Variants in C8orf34 observed in about 807,000 individuals in gnomAD.
The protein encoded by C8orf34 is chromosome 8 open reading frame 34, also known as uncharacterized protein C8orf34.
In C8orf34, 65 loss-of-function variants were observed where a neutral mutation model predicts 68.3. That is an observed-to-expected ratio of 0.95 (90% CI 0.78 to 1.17). The LOEUF (loss-of-function observed/expected upper bound fraction) is 1.17. Ranked by LOEUF, C8orf34 falls within the 50% of genes most tolerant of loss-of-function variation. C8orf34 has a pLI of 0.00. For synonymous variants in C8orf34, 244 were observed against 241.2 expected, an observed-to-expected ratio of 1.01 and a Z score of -0.11; for missense variants, 664 against 655.4, an observed-to-expected ratio of 1.01 and a Z score of -0.14.
chr8:68,793,236 AGTT>A (rs1824066152), intron 12 of C8orf34, among the ~76,000 whole-genome samples: 1 of 152,200 alleles, frequency 6.6e-6, no homozygotes, highest in South Asian at 2.1e-4. Flanking sequence ...AAAATAGTAA[AGTT>A]AAACAGTGGA....
chr8:68,484,213 A>G (rs753234967), intron 4 of C8orf34, among the ~76,000 whole-genome samples: 7 of 152,196 alleles, frequency 4.6e-5, no homozygotes, highest in East Asian at 3.9e-4. Flanking sequence ...AAAGGACCAC[A>G]TCATTTGAGA....
chr8:68,480,812 A>G (rs761409492), intron 4 of C8orf34, among the ~76,000 whole-genome samples: 5 of 152,210 alleles, frequency 3.3e-5, no homozygotes, highest in Non-Finnish European at 7.4e-5. Flanking sequence ...CAAAGCATTC[A>G]AGAGGTGACT....
intron 5 of C8orf34, among the ~76,000 whole-genome samples, chr8:68,498,986 C>A (rs915352855): frequency 6.6e-6 from 1 of 152,034 alleles, no homozygotes; most frequent in African/African-American, 2.4e-5. Flanking sequence ...GAGTGTATTG[C>A]GTGAAACTGA....
chr8:68,394,141 G>C (rs528888044), intron 1 of C8orf34, among the ~76,000 whole-genome samples: 7 of 151,848 alleles, frequency 4.6e-5, no homozygotes, highest in Admixed American at 3.3e-4. Context: ...ACAATGTGCA[G>C]GTTAGTTACA....
chr8:68,449,546 C>T (rs1273562166), intron 3 of C8orf34, among the ~76,000 whole-genome samples: 1 of 151,914 alleles, frequency 6.6e-6, no homozygotes, highest in African/African-American at 2.4e-5. Context: ...CAGGCCACTG[C>T]AATAAAGTGA....
At chr8:68,666,666 C>T (rs7846688) in intron 8 of C8orf34, among the ~76,000 whole-genome samples, 32,994 of 152,076 alleles carry the variant, frequency 0.22, 3,870 homozygotes, top group Middle Eastern at 0.35. Context: ...TCCTGCAGAA[C>T]TGTTTTTGTC....
At chr8:68,586,771 T>G (rs1343890022) in intron 7 of C8orf34, among the ~76,000 whole-genome samples, 1 of 152,162 alleles carries the variant, frequency 6.6e-6, no homozygotes, top group South Asian at 2.1e-4. Flanking sequence ...CTAAGGAGTT[T>G]CTCAAAACTT....
At position 68,488,068 on chromosome 8, in the gene C8orf34, A is replaced by G; in HGVS notation, c.765+17A>G. On this transcript the variant is annotated intron_variant, in intron 5 of 13. Coordinates refer to ENST00000518698, the MANE Select transcript of C8orf34 (RefSeq NM_052958.4). The stretch of plus-strand genomic sequence containing the variant: ...CTCGATAAGGTAAGTTGAACTATAC[A>G]TCTGGTGAAAAGAAAATGTAGAACT... 6.4e-7 allele frequency: 1 copy of G among 1,554,280 alleles called. No individual in the cohort carries two copies.
intron 8 of C8orf34, among the ~76,000 whole-genome samples, chr8:68,680,097 T>C (rs1189489225): frequency 6.6e-6 from 1 of 152,038 alleles, no homozygotes; most frequent in African/African-American, 2.4e-5. Flanking sequence ...TTAAAAACCT[T>C]CTGCACAGCA....
chr8:68,548,818 A>G (rs1815972272), intron 7 of C8orf34, among the ~76,000 whole-genome samples: 1 of 151,880 alleles, frequency 6.6e-6, no homozygotes, highest in South Asian at 2.1e-4. Flanking sequence ...ATATTCATAC[A>G]ATAGAATACT....
intron 10 of C8orf34, among the ~76,000 whole-genome samples, chr8:68,750,269 A>C (rs1435886970): frequency 6.6e-6 from 1 of 152,166 alleles, no homozygotes; most frequent in Non-Finnish European, 1.5e-5. Flanking sequence ...AACGTTATTC[A>C]GTCATAAGAA....
chr8:68,707,046 G>C (rs1479920292), intron 8 of C8orf34, among the ~76,000 whole-genome samples: 1 of 152,172 alleles, frequency 6.6e-6, no homozygotes, highest in Non-Finnish European at 1.5e-5. Flanking sequence ...TTGGGAGTAG[G>C]AGTAAAACTC....
chr8:68,670,257 C>T (rs1819966918), intron 8 of C8orf34, among the ~76,000 whole-genome samples: 1 of 152,180 alleles, frequency 6.6e-6, no homozygotes. Context: ...TTCTAATCTT[C>T]TCATGTCCCC....
At chr8:68,641,897 C>T (rs762403291) in intron 8 of C8orf34, among the ~76,000 whole-genome samples, 3 of 152,112 alleles carry the variant, frequency 2.0e-5, no homozygotes, top group East Asian at 1.9e-4. Context: ...AAATATTCAA[C>T]GGAATAATCA....
chr8:68,482,789 C>T (rs533452696), intron 4 of C8orf34, among the ~76,000 whole-genome samples: 1 of 152,156 alleles, frequency 6.6e-6, no homozygotes, highest in Non-Finnish European at 1.5e-5. Context: ...ACCTATGTGA[C>T]ATCACTGAAT....
In C8orf34 at chr8:68,787,448, A is replaced by T. The variant is rs747846671; in HGVS notation, c.1461A>T (p.Glu487Asp). The T allele has an allele frequency of 1.1e-5, 18 of 1,609,734 alleles. No individual in the cohort carries two copies. The South Asian group carries it at 1.8e-4, about 16-fold the overall frequency. Residue 487 changes from glutamate (E) to aspartate (D), a missense_variant, in exon 12 of 14, where the codon GAA becomes GAT. Transcript: ENST00000518698. ...HSLKNYMEED[E>D]SLKQLQVVHQ... Reference sequence around the variant, plus strand: ...ATAAATGTGTTCTTTTGCAGGATGAATCCTTAAAGCAATTGCAGGTAGTTC... The same window carrying T: ...ATAAATGTGTTCTTTTGCAGGATGATTCCTTAAAGCAATTGCAGGTAGTTC...
chr8:68,605,961 T>G (rs779910859), intron 7 of C8orf34, among the ~76,000 whole-genome samples: 20 of 152,008 alleles, frequency 1.3e-4, no homozygotes, highest in Admixed American at 6.6e-5. Context: ...GTGGTGTGTG[T>G]GGGGGGCAGG....
intron 1 of C8orf34, among the ~76,000 whole-genome samples, chr8:68,399,810 C>T (rs1808870286): frequency 6.6e-6 from 1 of 152,154 alleles, no homozygotes; most frequent in African/African-American, 2.4e-5. Flanking sequence ...TCTGCATCCT[C>T]ACCAACATCT....
chr8:68,380,638 A>G (rs998696800), intron 1 of C8orf34, among the ~76,000 whole-genome samples: 1 of 152,232 alleles, frequency 6.6e-6, no homozygotes, highest in Non-Finnish European at 1.5e-5. Context: ...GAATGCATCA[A>G]TATTGCATTG....
Sources: gnomAD v4.1 joint callset for allele counts (sites outside exome capture counted in the v4.1 genomes callset) on GRCh38, gnomAD v4.1.1 for gene constraint, MANE v1.5 for transcripts, NCBI Gene and HGNC (gene_info 2026-07-23, HGNC 2026-07-21) for gene names.